Variants in STK4 observed in about 807,000 individuals in gnomAD.
STK4 encodes the protein serine/threonine-protein kinase 4.
A neutral mutation model predicts 64.9 loss-of-function variants in STK4; 30 were observed. That is an observed-to-expected ratio of 0.46 (90% CI 0.35 to 0.63). The LOEUF is 0.63. Ranked by LOEUF, STK4 falls within the 20% of genes least tolerant of loss-of-function variation. The pLI, the probability that STK4 is intolerant of heterozygous loss-of-function variation, is 0.01. For synonymous variants in STK4, 177 were observed against 199.0 expected, an observed-to-expected ratio of 0.89 and a Z score of 0.93; for missense variants, 466 against 598.5, an observed-to-expected ratio of 0.78 and a Z score of 2.31.
chr20:45,031,508 T>C (rs2068442384), intron 10 of STK4, among the ~76,000 whole-genome samples: 1 of 151,956 alleles, frequency 6.6e-6, no homozygotes, highest in African/African-American at 2.4e-5. Context: ...TTATAAGAGA[T>C]GTAACGGAAA....
chr20:45,003,319 T>C (rs973534180), intron 9 of STK4, among the ~76,000 whole-genome samples: 8 of 152,182 alleles, frequency 5.3e-5, no homozygotes, highest in Admixed American at 6.5e-5. Flanking sequence ...ATATTTAATA[T>C]TGGACCAGGT....
intron 2 of STK4, chr20:44,975,741 G>A (rs902625194): frequency 6.6e-6 from 1 of 152,178 alleles, no homozygotes; most frequent in African/African-American, 2.4e-5. Context: ...TTCGATAATA[G>A]GAACTGAGCT....
chr20:45,045,921 C>G (rs1001345563), intron 10 of STK4, among the ~76,000 whole-genome samples: 1 of 152,052 alleles, frequency 6.6e-6, no homozygotes, highest in Non-Finnish European at 1.5e-5. Context: ...ATTCTCCTGC[C>G]TCAGCCTGCT....
intron 10 of STK4, among the ~76,000 whole-genome samples, chr20:45,054,091 A>G (rs945296104): frequency 1.3e-5 from 2 of 152,052 alleles, no homozygotes; most frequent in Non-Finnish European, 1.5e-5. Context: ...GTTTAGGAAA[A>G]TTTGCCAGTT....
intron 10 of STK4, among the ~76,000 whole-genome samples, chr20:45,054,302 A>G (rs1978316910): frequency 6.6e-6 from 1 of 152,182 alleles, no homozygotes; most frequent in South Asian, 2.1e-4. Context: ...CGGGGCTCAC[A>G]TCTGTAATCC....
At chr20:45,041,710 G>C (rs1233461593) in intron 10 of STK4, among the ~76,000 whole-genome samples, 1 of 151,256 alleles carries the variant, frequency 6.6e-6, no homozygotes, top group Non-Finnish European at 1.5e-5. Flanking sequence ...AAACAGCAAG[G>C]AGTGGATTTA....
At chr20:45,056,655 T>G (rs1047377527) in intron 10 of STK4, among the ~76,000 whole-genome samples, 9 of 152,214 alleles carry the variant, frequency 5.9e-5, no homozygotes, top group African/African-American at 1.9e-4. Flanking sequence ...TGGGCAAACA[T>G]GAGCTCATGT....
chr20:45,058,429 G>A (rs1285426432), intron 10 of STK4, among the ~76,000 whole-genome samples: 5 of 151,974 alleles, frequency 3.3e-5, no homozygotes, highest in Admixed American at 3.3e-4. Flanking sequence ...GCTTACTTAG[G>A]GAATTTCTAT....
At chr20:44,976,335 A>G (rs896555797) in intron 2 of STK4, among the ~76,000 whole-genome samples, 4 of 152,240 alleles carry the variant, frequency 2.6e-5, no homozygotes, top group African/African-American at 4.8e-5. Context: ...AGAAGATCCT[A>G]GAAGTGGTAG....
At chr20:44,982,413 G>T (rs2067458484) in intron 4 of STK4, among the ~76,000 whole-genome samples, 1 of 151,906 alleles carries the variant, frequency 6.6e-6, no homozygotes, top group Admixed American at 6.6e-5. Context: ...GGGATTACAA[G>T]TATGACCCCC....
At chr20:45,026,977 A>C (rs1017966509) in intron 10 of STK4, among the ~76,000 whole-genome samples, 1 of 152,194 alleles carries the variant, frequency 6.6e-6, no homozygotes, top group Admixed American at 6.5e-5. Flanking sequence ...TGTCTTCAAC[A>C]TGTGTATAAG....
intron 6 of STK4, among the ~76,000 whole-genome samples, chr20:44,996,627 A>G (rs1478712375): frequency 6.6e-6 from 1 of 152,190 alleles, no homozygotes; most frequent in Non-Finnish European, 1.5e-5. Context: ...ATTTTTGGAC[A>G]TAGTAGAATG....
chr20:45,047,698 G>A (rs1051199390), intron 10 of STK4, among the ~76,000 whole-genome samples: 9 of 152,170 alleles, frequency 5.9e-5, no homozygotes, highest in Non-Finnish European at 1.2e-4. Context: ...ACAGTGTTGG[G>A]AATTCCCTTG....
chr20:44,983,434 T>C (rs1428091043), intron 4 of STK4, among the ~76,000 whole-genome samples: 1 of 152,124 alleles, frequency 6.6e-6, no homozygotes, highest in Non-Finnish European at 1.5e-5. Flanking sequence ...AGACCTCGTC[T>C]CTACAAAAGA....
intron 9 of STK4, 144 bp from the exon 10 acceptor site, chr20:45,024,829 C>G: frequency 2.4e-6 from 2 of 824,412 alleles, no homozygotes; most frequent in Non-Finnish European, 3.3e-6. Context: ...TTTGTAGTTT[C>G]ACTAGATTCT....
intron 9 of STK4, among the ~76,000 whole-genome samples, chr20:45,004,725 A>G (rs1344328099): frequency 1.5e-5 from 2 of 137,804 alleles, no homozygotes; most frequent in Non-Finnish European, 3.2e-5. Flanking sequence ...ATTGCTTTTG[A>G]TATTTTTGTC....
intron 9 of STK4, chr20:45,007,916 G>A (rs527738863): frequency 2.7e-5 from 7 of 256,910 alleles, no homozygotes; most frequent in Non-Finnish European, 4.8e-5. Context: ...AGTCTGCAAT[G>A]TCTGTTATTC....
At position 44,972,127 on chromosome 20, in the gene STK4, G is replaced by GTA. The variant is rs754097403; in HGVS notation, c.87_88dup (p.Phe30TyrfsTer5). On this transcript the variant is annotated frameshift_variant, in exon 2 of 11. Transcript: ENST00000372806. LOFTEE classifies it high-confidence loss of function. ...TAGTTTAACCAAACAACCAGAAGAA[G>GTA]TATTTGATGTCTTAGAGAAACTTGG... 6.2e-7 allele frequency: 1 copy of GTA among 1,613,862 alleles called. No individual in the cohort carries two copies. Among genetic ancestry groups the GTA allele is most frequent in the East Asian group, 2.2e-5 (1 of 44,858 alleles).
intron 9 of STK4, among the ~76,000 whole-genome samples, chr20:45,018,555 GAAAGGTGTCTTGCTGCTT>G: frequency 6.6e-6 from 1 of 152,116 alleles, no homozygotes; most frequent in Non-Finnish European, 1.5e-5. Context: ...AATAGTTAAG[GAAAGGTGTCTTGCTGCTT>G]AAAAAAAATT....
Sources: gnomAD v4.1 joint callset for allele counts (sites outside exome capture counted in the v4.1 genomes callset) on GRCh38, gnomAD v4.1.1 for gene constraint, MANE v1.5 for transcripts, NCBI Gene and HGNC (gene_info 2026-07-23, HGNC 2026-07-21) for gene names.